Variants in NEMP2 observed in about 807,000 individuals in gnomAD.
The protein encoded by NEMP2 is nuclear envelope integral membrane protein 2, also known as UPF0571 transmembrane protein.
NEMP2 carries 53 observed loss-of-function variants against 54.2 expected under a neutral mutation model. That is an observed-to-expected ratio of 0.98 (90% CI 0.78 to 1.23). The LOEUF (loss-of-function observed/expected upper bound fraction) is 1.23. Among genes scored for constraint, NEMP2 ranks in the 50% most tolerant of loss-of-function variants. NEMP2 has a pLI of 0.00. For synonymous variants in NEMP2, 197 were observed against 190.3 expected (o/e 1.04, Z -0.29); for missense variants, 455 against 511.3 (o/e 0.89, Z 1.06).
the NEMP2 span, among the ~76,000 whole-genome samples, chr2:190,563,008 TATA>T: frequency 7.2e-5 from 11 of 152,166 alleles, no homozygotes; most frequent in African/African-American, 2.7e-4. The surrounding 1 kb of genome is among the most constrained non-coding windows in gnomAD (Gnocchi z 4.3). Flanking sequence ...AAAACACAAA[TATA>T]ATTCTGAAAA....
chr2:190,485,366 C>T, the NEMP2 span, among the ~76,000 whole-genome samples: 4 of 152,192 alleles, frequency 2.6e-5, no homozygotes. This position sits in a 1 kb window ranked among gnomAD's most constrained non-coding sequence, Gnocchi z 5.1. Flanking sequence ...AGAGGTTTGG[C>T]GTCAGCATTA....
the NEMP2 span, among the ~76,000 whole-genome samples, chr2:190,460,649 C>T: frequency 6.6e-6 from 1 of 152,144 alleles, no homozygotes; most frequent in Non-Finnish European, 1.5e-5. Flanking sequence ...ACTGTTACAA[C>T]CAAGATAAGT....
rs1177568780 is a variant in NEMP2 at position 190,509,896 on chromosome 2, G to C, written c.1130+465C>G. ...CTACTGAAAATACAAAAATTAGCCG[G>C]GCATGGTGGCGCCCGCGCCTTGTAA... On this transcript the variant is annotated intron_variant, in intron 8 of 8. Coordinates refer to ENST00000409150, the MANE Select transcript of NEMP2 (RefSeq NM_001142645.2). The surrounding 1 kb of genome is among the most constrained non-coding windows in gnomAD (Gnocchi z 6.1). Among the ~76,000 whole-genome samples, 2 of 152,194 alleles carry C rather than the reference G, an allele frequency of 1.3e-5. No individual in the cohort carries two copies. Among genetic ancestry groups the C allele is most frequent in the Non-Finnish European group, 2.9e-5 (2 of 68,040 alleles).
At position 190,509,971 on chromosome 2, in the gene NEMP2, G is replaced by A. The variant is rs1178515621; in HGVS notation, c.1130+390C>T. 6.6e-6 allele frequency among the ~76,000 whole-genome samples: 1 copy of A among 152,226 alleles called. No individual in the cohort carries two copies. The highest frequency in any genetic ancestry group is 6.5e-5 in the Admixed American group (1 of 15,290). ...CAGGAGAATTGCTTGAACCTGGCAG[G>A]CGGAGGTTGCAATGAGCTGAGATTG... is the stretch of plus-strand genomic sequence containing the variant. On this transcript the variant is annotated intron_variant, in intron 8 of 8. Transcript: ENST00000409150. This position sits in a 1 kb window ranked among gnomAD's most constrained non-coding sequence, Gnocchi z 6.1.
the NEMP2 span, among the ~76,000 whole-genome samples, chr2:190,589,775 AC>A: frequency 6.6e-6 from 1 of 151,670 alleles, no homozygotes; most frequent in East Asian, 1.9e-4. This position sits in a 1 kb window ranked among gnomAD's most constrained non-coding sequence, Gnocchi z 4.3. Context: ...TCCTTGAAGA[AC>A]CCTGTTATAT....
rs1300298197 is a variant in NEMP2 at position 190,522,683 on chromosome 2, A to G, written c.213+2580T>C. Among the ~76,000 whole-genome samples the G allele has an allele frequency of 6.6e-6, 1 of 152,186 alleles. No homozygotes were observed. The highest frequency in any genetic ancestry group is 6.5e-5 in the Admixed American group (1 of 15,276). ...CAATACAGACCTTAAGTCTGATAAG[A>G]AGCATTTATAATCTATTCTCTCTAA... On this transcript the variant is annotated intron_variant, in intron 2 of 8. Coordinates refer to ENST00000409150, the MANE Select transcript of NEMP2 (RefSeq NM_001142645.2). This position sits in a 1 kb window ranked among gnomAD's most constrained non-coding sequence, Gnocchi z 5.0.
chr2:190,589,101 G>T, the NEMP2 span, among the ~76,000 whole-genome samples: 1 of 152,110 alleles, frequency 6.6e-6, no homozygotes, highest in African/African-American at 2.4e-5. This position sits in a 1 kb window ranked among gnomAD's most constrained non-coding sequence, Gnocchi z 4.3. Flanking sequence ...AACACACTCT[G>T]TACTTTGGGG....
At position 190,531,233 on chromosome 2, in the gene NEMP2, A is replaced by G. The variant is rs1691133224; in HGVS notation, c.97+3326T>C. Among the ~76,000 whole-genome samples, 1 of 152,182 alleles carries G rather than the reference A, an allele frequency of 6.6e-6. No homozygotes were observed. The highest frequency in any genetic ancestry group is 6.5e-5 in the Admixed American group (1 of 15,278). On this transcript the variant is annotated intron_variant, in intron 1 of 8. Coordinates refer to ENST00000409150, the MANE Select transcript of NEMP2 (RefSeq NM_001142645.2). The surrounding 1 kb of genome is among the most constrained non-coding windows in gnomAD (Gnocchi z 4.7). ...AGGCTGAGGTATTTAATATGTCCGT[A>G]CCCTGGAAGGTGCTCCATAACCTAG...
Position 190,510,735 on chromosome 2 carries a change from G to C in NEMP2, c.954-198C>G, listed in dbSNP as rs1690332342. Among the ~76,000 whole-genome samples the C allele has an allele frequency of 6.6e-6, 1 of 152,150 alleles. No homozygotes were observed. The highest frequency in any genetic ancestry group is 1.9e-4 in the East Asian group (1 of 5,172). ...TCTCTACTAAAAATATAAAAAATTAGCTGAGCATGGTGGTGGTCGCCTGTA... is the reference window on the plus strand; with the variant it reads ...TCTCTACTAAAAATATAAAAAATTACCTGAGCATGGTGGTGGTCGCCTGTA... On this transcript the variant is annotated intron_variant, in intron 7 of 8. Coordinates refer to ENST00000409150, the MANE Select transcript of NEMP2 (RefSeq NM_001142645.2). The surrounding 1 kb of genome is among the most constrained non-coding windows in gnomAD (Gnocchi z 5.7).
At chr2:190,467,490 G>A in the NEMP2 span, among the ~76,000 whole-genome samples, 1 of 152,170 alleles carries the variant, frequency 6.6e-6, no homozygotes, top group African/African-American at 2.4e-5. This position sits in a 1 kb window ranked among gnomAD's most constrained non-coding sequence, Gnocchi z 5.5. Flanking sequence ...GCACATTCCT[G>A]TAATCCCAGC....
chr2:190,642,384 A>T, the NEMP2 span, among the ~76,000 whole-genome samples: 1 of 152,204 alleles, frequency 6.6e-6, no homozygotes, highest in Non-Finnish European at 1.5e-5. The surrounding 1 kb of genome is among the most constrained non-coding windows in gnomAD (Gnocchi z 4.1). Flanking sequence ...TAAACTTTAT[A>T]ATCCTTTATA....
chr2:190,487,831 GT>G, the NEMP2 span, among the ~76,000 whole-genome samples: 2 of 152,188 alleles, frequency 1.3e-5, no homozygotes, highest in Admixed American at 1.3e-4. This position sits in a 1 kb window ranked among gnomAD's most constrained non-coding sequence, Gnocchi z 5.5. Flanking sequence ...AAAAAAGGTA[GT>G]TCCTCAAAGT....
the NEMP2 span, among the ~76,000 whole-genome samples, chr2:190,490,726 A>G: frequency 7.2e-5 from 11 of 152,352 alleles, no homozygotes; most frequent in Non-Finnish European, 8.8e-5. This position sits in a 1 kb window ranked among gnomAD's most constrained non-coding sequence, Gnocchi z 4.5. Context: ...GAAAAAGGTC[A>G]ACCAGGAGGA....
chr2:190,534,367 G>C (rs529069985), intron 1 of NEMP2, 192 bp downstream of exon 1: 3 of 1,206,046 alleles, frequency 2.5e-6, no homozygotes, highest in African/African-American at 3.2e-5. Flanking sequence ...TGCCAGGCGA[G>C]AGACTACGGA....
chr2:190,643,646 C>T, the NEMP2 span, among the ~76,000 whole-genome samples: 1 of 152,184 alleles, frequency 6.6e-6, no homozygotes, highest in Non-Finnish European at 1.5e-5. Context: ...ATTAGGTACT[C>T]GATACATGTT....
chr2:190,622,367 C>T, the NEMP2 span, among the ~76,000 whole-genome samples: 2 of 151,606 alleles, frequency 1.3e-5, no homozygotes, highest in African/African-American at 4.9e-5. Context: ...ATAGTCATGC[C>T]ACAGCACTCC....
At chr2:190,429,821 A>G in the NEMP2 span, among the ~76,000 whole-genome samples, 2 of 152,120 alleles carry the variant, frequency 1.3e-5, no homozygotes, top group African/African-American at 4.8e-5. Context: ...TCAGATACAT[A>G]TATCTGTGTA....
At chr2:190,433,553 A>G in the NEMP2 span, among the ~76,000 whole-genome samples, 40 of 152,348 alleles carry the variant, frequency 2.6e-4, no homozygotes, top group African/African-American at 9.4e-4. This position sits in a 1 kb window ranked among gnomAD's most constrained non-coding sequence, Gnocchi z 4.5. Context: ...CATTGTGAAT[A>G]TAGTAAATTA....
chr2:190,534,283 C>T, intron 1 of NEMP2: 1 of 1,161,536 alleles, frequency 8.6e-7, no homozygotes, highest in Non-Finnish European at 1.1e-6. Flanking sequence ...GTTTCGGTTG[C>T]TTCTGTAAAA....
Sources: allele counts gnomAD v4.1 joint callset (sites outside exome capture counted in the v4.1 genomes callset), GRCh38; gene constraint gnomAD v4.1.1; non-coding constraint Gnocchi (gnomAD v3.1); transcripts MANE v1.5; gene names NCBI Gene and HGNC (gene_info 2026-07-23, HGNC 2026-07-21).